SND1: variants seen among roughly 807,000 people sequenced by gnomAD.
The protein encoded by SND1 is staphylococcal nuclease domain-containing protein 1.
SND1 carries 38 observed loss-of-function variants against 121.7 expected under a neutral mutation model. The observed-to-expected ratio is 0.31, with a 90% CI of 0.24 to 0.41. The LOEUF is 0.41. Among genes scored for constraint, SND1 ranks in the 10% least tolerant of loss-of-function variants. The pLI is 1.00. For missense variants in SND1, 868 were observed against 1,184.6 expected, an observed-to-expected ratio of 0.73 and a Z score of 3.92; for synonymous variants, 401 against 447.4, an observed-to-expected ratio of 0.90 and a Z score of 1.31.
intron 11 of SND1, 116 bp from the exon 12 acceptor site, chr7:127,844,208 A>G: frequency 1.7e-6 from 1 of 600,040 alleles, no homozygotes; most frequent in East Asian, 3.3e-5. Flanking sequence ...AAAATCTTAG[A>G]TTCAGAAAAC....
At chr7:127,919,815 A>G (rs1378053587) in intron 14 of SND1, among the ~76,000 whole-genome samples, 1 of 152,172 alleles carries the variant, frequency 6.6e-6, no homozygotes, top group African/African-American at 2.4e-5. Context: ...TCAAAATAGA[A>G]ATGCTACTTT....
intron 15 of SND1, among the ~76,000 whole-genome samples, chr7:127,960,598 A>G (rs1279685052): frequency 6.6e-6 from 1 of 152,202 alleles, no homozygotes; most frequent in Non-Finnish European, 1.5e-5. Flanking sequence ...CAGCCTGGTT[A>G]TATGAGGTTC....
intron 10 of SND1, among the ~76,000 whole-genome samples, chr7:127,770,259 G>A (rs1797491252): frequency 6.6e-6 from 1 of 152,172 alleles, no homozygotes; most frequent in Non-Finnish European, 1.5e-5. Context: ...AAGTAAATGG[G>A]GATGGTGGGT....
intron 14 of SND1, chr7:127,928,120 G>C (rs1490489678): frequency 1.3e-5 from 2 of 152,198 alleles, no homozygotes; most frequent in African/African-American, 4.8e-5. Context: ...TCTGAGAGTC[G>C]AAATGTCCAT....
intron 10 of SND1, among the ~76,000 whole-genome samples, chr7:127,742,340 G>A (rs1796895898): frequency 6.6e-6 from 1 of 152,068 alleles, no homozygotes; most frequent in Non-Finnish European, 1.5e-5. Context: ...ATTTTCAGTA[G>A]CTTTGAGCCT....
chr7:128,000,838 G>T (rs185465744), intron 16 of SND1, among the ~76,000 whole-genome samples: 1 of 152,292 alleles, frequency 6.6e-6, no homozygotes, highest in Non-Finnish European at 1.5e-5. Flanking sequence ...TAGCAAGGCT[G>T]CCTGAGCCAC....
chr7:127,694,109 G>T (rs2116323705), intron 2 of SND1, among the ~76,000 whole-genome samples: 1 of 152,328 alleles, frequency 6.6e-6, no homozygotes, highest in South Asian at 2.1e-4. Context: ...TCCTCCCAAG[G>T]ATGTTGGGAC....
intron 11 of SND1, among the ~76,000 whole-genome samples, chr7:127,813,912 G>A (rs989451366): frequency 5.3e-5 from 8 of 152,242 alleles, no homozygotes; most frequent in African/African-American, 1.9e-4. Flanking sequence ...TCTTTAAAAA[G>A]CATCTCTAAG....
intron 16 of SND1, among the ~76,000 whole-genome samples, chr7:128,004,281 C>G (rs916093235): frequency 6.6e-6 from 1 of 152,040 alleles, no homozygotes; most frequent in Non-Finnish European, 1.5e-5. Flanking sequence ...CCTCTTTTGC[C>G]TAGAGAATGC....
chr7:127,973,891 C>T (rs554309662), intron 15 of SND1, among the ~76,000 whole-genome samples: 2 of 152,358 alleles, frequency 1.3e-5, no homozygotes, highest in Admixed American at 1.3e-4. Flanking sequence ...CCTGGCCTGA[C>T]CACCTGAACC....
At chr7:128,032,502 G>A (rs1000118787) in intron 16 of SND1, among the ~76,000 whole-genome samples, 4 of 151,512 alleles carry the variant, frequency 2.6e-5, no homozygotes, top group Non-Finnish European at 5.9e-5. Flanking sequence ...CTGGAGCGGC[G>A]CGGGGCTGCG....
At chr7:127,883,414 T>A (rs1427903877) in intron 12 of SND1, among the ~76,000 whole-genome samples, 1 of 152,164 alleles carries the variant, frequency 6.6e-6, no homozygotes. Flanking sequence ...ATTGATAATT[T>A]GTCTAAAACT....
intron 16 of SND1, among the ~76,000 whole-genome samples, chr7:128,026,479 A>C (rs1309803634): frequency 6.6e-6 from 1 of 152,220 alleles, no homozygotes; most frequent in Non-Finnish European, 1.5e-5. Context: ...AATTCCCTGC[A>C]TTAGTATAAA....
Position 128,028,993 on chromosome 7 carries a change from G to A in SND1, c.1779+37937G>A, listed in dbSNP as rs556406775. 3.7e-6 allele frequency: 6 copies of A among 1,612,922 alleles called. No homozygotes were observed. The South Asian group carries it at 5.5e-5, about 15-fold the overall frequency. On this transcript the variant is annotated intron_variant, in intron 16 of 23. Transcript: ENST00000354725. The stretch of plus-strand genomic sequence containing the variant: ...CTCCGCTGCTGGTGCCGCTTACGAA[G>A]TTTATAGAAGACAATCAACATGGCG...
chr7:127,869,142 G>A (rs1294263887), intron 12 of SND1, among the ~76,000 whole-genome samples: 3 of 152,166 alleles, frequency 2.0e-5, no homozygotes, highest in Non-Finnish European at 4.4e-5. Flanking sequence ...AAGAGTCAGG[G>A]AGGCCTCAGT....
chr7:128,016,688 A>T (rs1287164968), intron 16 of SND1, among the ~76,000 whole-genome samples: 2 of 152,204 alleles, frequency 1.3e-5, no homozygotes, highest in African/African-American at 4.8e-5. Context: ...TTCTTTCTCT[A>T]AAGTCACATG....
At chr7:128,026,328 T>C (rs1803477140) in intron 16 of SND1, among the ~76,000 whole-genome samples, 1 of 152,218 alleles carries the variant, frequency 6.6e-6, no homozygotes, top group Non-Finnish European at 1.5e-5. Context: ...CCCATACATA[T>C]GTGCTGGCAC....
chr7:127,857,270 G>T (rs1799294576), intron 12 of SND1, among the ~76,000 whole-genome samples: 1 of 121,174 alleles, frequency 8.3e-6, no homozygotes, highest in Admixed American at 1.2e-4. Context: ...TCAGCTCACT[G>T]CAAGCTCTGC....
chr7:127,813,838 C>T (rs984620286), intron 11 of SND1, among the ~76,000 whole-genome samples: 1 of 152,180 alleles, frequency 6.6e-6, no homozygotes, highest in African/African-American at 2.4e-5. Flanking sequence ...GCTGGGATTA[C>T]AGGTGTAAGC....
Sources: allele counts gnomAD v4.1 joint callset (sites outside exome capture counted in the v4.1 genomes callset), GRCh38; gene constraint gnomAD v4.1.1; transcripts MANE v1.5; gene names NCBI Gene and HGNC (gene_info 2026-07-23, HGNC 2026-07-21).